The following ACTR3 variants were observed in gnomAD, a reference collection of about 807,000 sequenced individuals.
The protein encoded by ACTR3 is actin-related protein 3.
In ACTR3, 12 loss-of-function variants were observed where a neutral mutation model predicts 56.8. The observed-to-expected ratio is 0.21, with a 90% confidence interval of 0.14 to 0.34. The LOEUF is 0.34. Among genes scored for constraint, ACTR3 ranks in the 10% least tolerant of loss-of-function variants. The probability of loss-of-function intolerance (pLI) is 1.00; values close to 1 mark genes in which losing one functional copy is unlikely to be tolerated. For missense variants in ACTR3, 282 were observed against 512.5 expected, an observed-to-expected ratio of 0.55 and a Z score of 4.34; for synonymous variants, 162 against 167.4, an observed-to-expected ratio of 0.97 and a Z score of 0.25.
intron 1 of ACTR3, among the ~76,000 whole-genome samples, chr2:113,897,084 G>C (rs1679020970): frequency 6.6e-6 from 1 of 152,166 alleles, no homozygotes; most frequent in African/African-American, 2.4e-5. Context: ...ACCATAATCA[G>C]TGATAGACAG....
chr2:113,950,785 C>T (rs1680106580), intron 8 of ACTR3: 1 of 151,860 alleles, frequency 6.6e-6, no homozygotes, highest in South Asian at 2.1e-4. Context: ...AGTCCGTTTT[C>T]ATACTGCTAA....
intron 2 of ACTR3, among the ~76,000 whole-genome samples, chr2:113,915,508 C>A (rs1057100879): frequency 6.6e-6 from 1 of 152,174 alleles, no homozygotes; most frequent in Non-Finnish European, 1.5e-5. Context: ...GACTTCATAT[C>A]TTTTTGGTGA....
intron 8 of ACTR3, among the ~76,000 whole-genome samples, chr2:113,943,888 A>AG (rs1679968962): frequency 6.6e-6 from 1 of 152,236 alleles, no homozygotes; most frequent in Admixed American, 6.5e-5. Flanking sequence ...AGGTTGGCTG[A>AG]GAAGGGGCTG....
At chr2:113,954,497 T>C (rs902256323) in intron 10 of ACTR3, 2 of 152,124 alleles carry the variant, frequency 1.3e-5, no homozygotes, top group African/African-American at 4.8e-5. Context: ...GAACTCCTGA[T>C]TTCTCATTTT....
At position 113,940,079 on chromosome 2, in the gene ACTR3, T is replaced by C. The variant is rs186383813; in HGVS notation, c.661T>C (p.Leu221=). The C allele has an allele frequency of 2.5e-6, 4 of 1,612,884 alleles. No homozygotes were observed. The highest frequency in any genetic ancestry group is 3.4e-6 in the Non-Finnish European group (4 of 1,179,576). ...AGTAGGAATCCCTCCAGAACAATCC[T>C]TGGAAACTGCTAAGGCAGTAAAGGT... is the stretch of plus-strand genomic sequence containing the variant. ...REVGIPPEQS[L]ETAKAVKERY... is the part of the protein sequence containing the mutation. The change falls in exon 7 of 12, where the codon TTG becomes CTG. Residue 221 remains leucine (L), a synonymous_variant. Transcript: ENST00000263238.
intron 4 of ACTR3, among the ~76,000 whole-genome samples, chr2:113,930,180 C>T (rs1451774600): frequency 1.3e-5 from 2 of 151,656 alleles, no homozygotes; most frequent in Non-Finnish European, 2.9e-5. Flanking sequence ...TTTATAATTT[C>T]ACTGCCTTGG....
At chr2:113,946,686 T>C (rs1680026355) in intron 8 of ACTR3, among the ~76,000 whole-genome samples, 1 of 152,240 alleles carries the variant, frequency 6.6e-6, no homozygotes, top group Non-Finnish European at 1.5e-5. Flanking sequence ...TTTCTTTTGC[T>C]GTGCAGAAGC....
intron 10 of ACTR3, chr2:113,953,333 T>C (rs1270655594): frequency 1.3e-5 from 2 of 152,168 alleles, no homozygotes; most frequent in East Asian, 3.9e-4. Flanking sequence ...GTTTTGAGTT[T>C]TTCTGGATTT....
Position 113,951,739 on chromosome 2 carries a change from G to T in ACTR3, c.971G>T (p.Gly324Val). 1 of 1,611,842 alleles carries T rather than the reference G, an allele frequency of 6.2e-7. No homozygotes were observed. The highest frequency in any genetic ancestry group is 2.2e-5 in the East Asian group (1 of 44,794). Reference protein sequence around the residue: ...PLYKNIVLSGGSTMFRDFGRR... With the variant: ...PLYKNIVLSGVSTMFRDFGRR... ...CACTAGAATATTGTCCTCTCTGGAGGTTCAACCATGTTCAGGGACTTTGGA... is the reference window on the plus strand; with the variant it reads ...CACTAGAATATTGTCCTCTCTGGAGTTTCAACCATGTTCAGGGACTTTGGA... Residue 324 changes from glycine (G) to valine (V), a missense_variant, in exon 10 of 12, where the codon GGT (glycine) becomes GTT (valine). Physicochemically the swap from Gly to Val is moderately radical, Grantham distance 109 (BLOSUM62 -3). Coordinates refer to ENST00000263238, the MANE Select transcript of ACTR3 (RefSeq NM_005721.5).
At chr2:113,890,957 A>G (rs1289043775) in intron 1 of ACTR3, among the ~76,000 whole-genome samples, 4 of 152,196 alleles carry the variant, frequency 2.6e-5, no homozygotes, top group Admixed American at 2.6e-4. Context: ...ACCAAGTCAC[A>G]TTTTAATTCG....
chr2:113,949,505 A>C (rs1559490194), intron 8 of ACTR3, among the ~76,000 whole-genome samples: 1 of 152,184 alleles, frequency 6.6e-6, no homozygotes, highest in Non-Finnish European at 1.5e-5. Context: ...CTAATGATAA[A>C]AATGAATGGC....
chr2:113,890,728 C>T (rs953681535), intron 1 of ACTR3: 11 of 1,063,370 alleles, frequency 1.0e-5, no homozygotes, highest in Non-Finnish European at 1.3e-5. Flanking sequence ...ACCCAGGGGC[C>T]GAGCTCGGGG....
At chr2:113,891,412 A>G (rs1450788175) in intron 1 of ACTR3, among the ~76,000 whole-genome samples, 1 of 152,104 alleles carries the variant, frequency 6.6e-6, no homozygotes, top group Non-Finnish European at 1.5e-5. Context: ...TTCATTTTGT[A>G]TTAATAGACG....
intron 10 of ACTR3, 199 bp downstream of exon 10, chr2:113,952,044 G>T: frequency 1.1e-5 from 8 of 695,708 alleles, no homozygotes; most frequent in South Asian, 6.8e-5. Flanking sequence ...CTGTATTTCT[G>T]GAAAATAATT....
intron 1 of ACTR3, among the ~76,000 whole-genome samples, chr2:113,893,423 A>G (rs1188160842): frequency 6.6e-6 from 1 of 151,998 alleles, no homozygotes; most frequent in Non-Finnish European, 1.5e-5. Context: ...CCTCCCGAGT[A>G]GCTGGGACTA....
intron 1 of ACTR3, among the ~76,000 whole-genome samples, chr2:113,908,373 T>C (rs1009629417): frequency 1.1e-4 from 16 of 151,868 alleles, no homozygotes; most frequent in Admixed American, 6.5e-4. Flanking sequence ...AAGGATAATA[T>C]GTAGTTATTT....
rs1679717569 is a variant in ACTR3 at position 113,931,183 on chromosome 2, A to G, written c.337-118A>G. On this transcript the variant is annotated intron_variant, in intron 4 of 11. Transcript: ENST00000263238. ...TCTCTGTGTCTGTCTTTCTACTTGT[A>G]AATTTAATGCATTTTAAATAAAATG... The G allele has an allele frequency of 5.0e-6, 3 of 594,764 alleles. No homozygotes were observed. The South Asian group carries it at 8.9e-5, about 18-fold the overall frequency. 36.8% of individuals were successfully genotyped at this position (594,764 alleles called of 1,614,324 possible).
intron 1 of ACTR3, among the ~76,000 whole-genome samples, chr2:113,896,439 C>G (rs13009390): frequency 0.074 from 11,188 of 152,170 alleles, 459 homozygotes; most frequent in African/African-American, 0.1. Flanking sequence ...GCAGTTGATT[C>G]CAGTGGATTG....
At chr2:113,951,371 G>T in intron 8 of ACTR3, 108 bp from the exon 9 acceptor site, 2 of 668,632 alleles carry the variant, frequency 3.0e-6, no homozygotes, top group Non-Finnish European at 2.6e-6. Context: ...AGTATTAGTG[G>T]TTTCTAAAAG....
Sources: allele counts gnomAD v4.1 joint callset (sites outside exome capture counted in the v4.1 genomes callset), GRCh38; gene constraint gnomAD v4.1.1; transcripts MANE v1.5; gene names NCBI Gene and HGNC (gene_info 2026-07-23, HGNC 2026-07-21).